CROCC2: variants seen among roughly 807,000 people sequenced by gnomAD.
CROCC2 encodes ciliary rootlet coiled-coil, rootletin family member 2.
A neutral mutation model predicts 177.6 loss-of-function variants in CROCC2; 163 were observed. The observed-to-expected ratio is 0.92, with a 90% confidence interval of 0.81 to 1.05. The LOEUF is 1.05. CROCC2 is among the 50% of genes least tolerant of loss of function. The pLI is 0.00. For missense variants in CROCC2, 1,929 were observed against 1,797.8 expected, an observed-to-expected ratio of 1.07 and a Z score of -1.32; for synonymous variants, 904 against 787.3, an observed-to-expected ratio of 1.15 and a Z score of -2.48.
chr2:240,973,063 C>CT lies in CROCC2; in HGVS notation c.4401+4801_4401+4802insT, dbSNP rs1356133795. Among the ~76,000 whole-genome samples the CT allele has an allele frequency of 3.3e-5, 5 of 152,200 alleles. No homozygotes were observed. The highest frequency in any genetic ancestry group is 7.3e-5 in the Non-Finnish European group (5 of 68,040). Reference sequence around the variant, plus strand: ...GTGCCTCTCCTGGCTCTGCCAAGCTCCCGGCACAGTCTAGAGCCAGCTCTG... The same window carrying CT: ...GTGCCTCTCCTGGCTCTGCCAAGCTCTCCGGCACAGTCTAGAGCCAGCTCTG... On this transcript the variant is annotated intron_variant, in intron 27 of 31. Coordinates refer to ENST00000690015, the MANE Select transcript of CROCC2 (RefSeq NM_001351305.2). This position sits in a 1 kb window ranked among gnomAD's most constrained non-coding sequence, Gnocchi z 4.7.
intron 5 of CROCC2, among the ~76,000 whole-genome samples, chr2:240,927,122 T>C (rs2106458198): frequency 6.6e-6 from 1 of 152,374 alleles, no homozygotes; most frequent in South Asian, 2.1e-4. Context: ...ATGCTTTCTC[T>C]TTCTCCTTCC....
At chr2:240,947,168 G>A (rs2059528939) in intron 15 of CROCC2, among the ~76,000 whole-genome samples, 2 of 152,236 alleles carry the variant, frequency 1.3e-5, no homozygotes, top group African/African-American at 4.8e-5. Context: ...GAGAAACCTT[G>A]GAGTCTGGGA....
chr2:240,937,305 T>A (rs904805084), intron 14 of CROCC2, among the ~76,000 whole-genome samples: 2 of 152,254 alleles, frequency 1.3e-5, no homozygotes, highest in Non-Finnish European at 2.9e-5. Flanking sequence ...ATGCATGTAT[T>A]GGATATTCGT....
Position 240,966,323 on chromosome 2 carries a change from C to T in CROCC2, c.4060C>T (p.Arg1354Cys), listed in dbSNP as rs925918687. 2 of 413,718 alleles carry T rather than the reference C, an allele frequency of 4.8e-6. No homozygotes were observed. Among genetic ancestry groups the T allele is most frequent in the Non-Finnish European group, 8.4e-6 (2 of 237,256 alleles). 25.6% of individuals were successfully genotyped at this position (413,718 alleles called of 1,614,324 possible). A position where few individuals can be genotyped will look rare whatever the true frequency, so the allele number is the denominator to read the frequency against. Residue 1354 changes from arginine (R) to cysteine (C), a missense_variant, in exon 25 of 32, where the codon CGC (arginine) becomes TGC (cysteine). Around this residue, in one of 3 missense-constraint regions of CROCC2, gnomAD observed 388 missense variants for 352.7 expected, o/e 1.10. Coordinates refer to ENST00000690015, the MANE Select transcript of CROCC2 (RefSeq NM_001351305.2). ...ATGGCCCTCGCCCACACCCGGAGGC[C>T]GCAGCTCAGAGCTCATGGATGTGGC... ...LRWPSPTPGG[R>C]SSELMDVATV...
intron 22 of CROCC2, 52 bp from the exon 23 acceptor site, chr2:240,965,329 G>A: frequency 6.5e-7 from 1 of 1,541,232 alleles, no homozygotes; most frequent in Non-Finnish European, 8.8e-7. Context: ...GAGGCTGCCT[G>A]GGTTCCAGCA....
chr2:240,922,267 C>T (rs776442792), intron 3 of CROCC2, among the ~76,000 whole-genome samples: 2 of 152,240 alleles, frequency 1.3e-5, no homozygotes, highest in African/African-American at 2.4e-5. Flanking sequence ...TCCTCAAGGC[C>T]TGATGGGATT....
At position 240,960,893 on chromosome 2, in the gene CROCC2, G is replaced by A. The variant is rs941791875; in HGVS notation, c.3087+1449G>A. On this transcript the variant is annotated intron_variant, in intron 20 of 31. Transcript: ENST00000690015. The surrounding 1 kb of genome is among the most constrained non-coding windows in gnomAD (Gnocchi z 5.0). Reference sequence around the variant, plus strand: ...CAGCGACCACACGGGGAAGCAAAACGAGATTGCAAAACTGGGGGCAGCAGG... The same window carrying A: ...CAGCGACCACACGGGGAAGCAAAACAAGATTGCAAAACTGGGGGCAGCAGG... Among the ~76,000 whole-genome samples, 1 of 145,638 alleles carries A rather than the reference G, an allele frequency of 6.9e-6. No homozygotes were observed. Among genetic ancestry groups the A allele is most frequent in the African/African-American group, 2.5e-5 (1 of 39,904 alleles).
intron 27 of CROCC2, among the ~76,000 whole-genome samples, chr2:240,971,345 G>A (rs190130801): frequency 4.9e-4 from 75 of 152,314 alleles, no homozygotes; most frequent in East Asian, 3.9e-4. Flanking sequence ...TGCCTGCCAC[G>A]TGGGTCCGAG....
Position 240,972,556 on chromosome 2 carries a change from A to G in CROCC2, c.4401+4294A>G, listed in dbSNP as rs887229194. Among the ~76,000 whole-genome samples the G allele has an allele frequency of 2.0e-5, 3 of 151,992 alleles. No homozygotes were observed. Among genetic ancestry groups the G allele is most frequent in the Non-Finnish European group, 4.4e-5 (3 of 68,004 alleles). ...CCCTTCTGAGTCAGGGTATGGGGAC[A>G]TGGGGGTCCAACTTTGGGTCTCCAC... On this transcript the variant is annotated intron_variant, in intron 27 of 31. Transcript: ENST00000690015. This position sits in a 1 kb window ranked among gnomAD's most constrained non-coding sequence, Gnocchi z 7.1.
intron 27 of CROCC2, among the ~76,000 whole-genome samples, chr2:240,974,840 C>G (rs986114493): frequency 6.6e-6 from 1 of 151,962 alleles, no homozygotes; most frequent in Non-Finnish European, 1.5e-5. Flanking sequence ...TCCTTTTTAC[C>G]AGTTTTCTAG....
intron 14 of CROCC2, among the ~76,000 whole-genome samples, chr2:240,936,363 G>C (rs527301323): frequency 1.2e-3 from 183 of 152,242 alleles, no homozygotes; most frequent in African/African-American, 4.4e-3. Context: ...TCCCACCCAG[G>C]TGACCTCTGC....
intron 17 of CROCC2, 131 bp from the exon 18 acceptor site, chr2:240,950,203 G>A: frequency 2.4e-6 from 2 of 850,768 alleles, no homozygotes; most frequent in Non-Finnish European, 1.8e-6. Flanking sequence ...GGGGTGTGCA[G>A]CTGGCTGGTC....
At chr2:240,925,036 C>T (rs1252839487) in intron 4 of CROCC2, among the ~76,000 whole-genome samples, 1 of 145,880 alleles carries the variant, frequency 6.9e-6, no homozygotes, top group Non-Finnish European at 1.5e-5. Flanking sequence ...TTAACCCAGC[C>T]CTGCACAGCA....
At chr2:240,964,241 G>A in intron 21 of CROCC2, 2 of 597,226 alleles carry the variant, frequency 3.3e-6, no homozygotes, top group Non-Finnish European at 6.0e-6. Context: ...GGTGAGGAGG[G>A]GCTGAAGAGG....
chr2:240,983,541 A>T, intron 28 of CROCC2: 1 of 1,272,220 alleles, frequency 7.9e-7, no homozygotes, highest in Non-Finnish European at 1.0e-6. Context: ...GCGCGTCTGC[A>T]GGGGGAGCTC....
intron 2 of CROCC2, among the ~76,000 whole-genome samples, 172 bp downstream of exon 2, chr2:240,919,048 ATGG>A (rs1317067363): frequency 1.7e-4 from 6 of 35,018 alleles, no homozygotes; most frequent in Admixed American, 4.1e-4. Flanking sequence ...GGGCAAGGTG[ATGG>A]CGTGGGGGAC....
intron 29 of CROCC2, 124 bp from the exon 30 acceptor site, chr2:240,989,530 C>A: frequency 2.2e-6 from 2 of 930,188 alleles, no homozygotes; most frequent in Non-Finnish European, 3.2e-6. Context: ...CTGGCCAGGT[C>A]AACACCGGCA....
At position 240,935,622 on chromosome 2, in the gene CROCC2, T is replaced by C. The variant is rs973261093; in HGVS notation, c.2169+34T>C. ...GTCTGCAGGGCATGCTGCCGCCGTC[T>C]GGGATGCGGCTGGGTGGCAGGTCTT... On this transcript the variant is annotated intron_variant, in intron 14 of 31. Coordinates refer to ENST00000690015, the MANE Select transcript of CROCC2 (RefSeq NM_001351305.2). The C allele has an allele frequency of 4.4e-6, 6 of 1,363,494 alleles. No homozygotes were observed. In the African/African-American group the frequency reaches 9.2e-5, roughly 21 times the overall value. The allele number at this position is 1,363,494 out of a possible 1,614,324, so 84.5% of individuals were successfully genotyped here. A position where few individuals can be genotyped will look rare whatever the true frequency, so the allele number is the denominator to read the frequency against.
chr2:240,972,392 G>A lies in CROCC2; in HGVS notation c.4401+4130G>A, dbSNP rs975455734. 3.3e-5 allele frequency among the ~76,000 whole-genome samples: 5 copies of A among 149,594 alleles called. No homozygotes were observed. Among genetic ancestry groups the A allele is most frequent in the East Asian group, 2.0e-4 (1 of 4,922 alleles). On this transcript the variant is annotated intron_variant, in intron 27 of 31. Coordinates refer to ENST00000690015, the MANE Select transcript of CROCC2 (RefSeq NM_001351305.2). This position sits in a 1 kb window ranked among gnomAD's most constrained non-coding sequence, Gnocchi z 7.1. ...GCTCTCCGGTGCACGGTCACGGTGCGGTCCTCCACCTCCCCAGCTGCTTGC... is the reference window on the plus strand; with the variant it reads ...GCTCTCCGGTGCACGGTCACGGTGCAGTCCTCCACCTCCCCAGCTGCTTGC...
Sources: allele counts gnomAD v4.1 joint callset (sites outside exome capture counted in the v4.1 genomes callset), GRCh38; gene constraint gnomAD v4.1.1; regional missense constraint gnomAD v4.1.1; non-coding constraint Gnocchi (gnomAD v3.1); transcripts MANE v1.5; gene names NCBI Gene and HGNC (gene_info 2026-07-23, HGNC 2026-07-21).